PLCB1: variants seen among roughly 807,000 people sequenced by gnomAD.
The protein encoded by PLCB1 is 1-phosphatidylinositol 4,5-bisphosphate phosphodiesterase beta-1.
Under a neutral mutation model 161.8 loss-of-function variants are expected in PLCB1, and 46 were observed. The ratio of observed to expected loss-of-function variants is 0.28; its 90% CI spans 0.22 to 0.36. PLCB1 has a LOEUF of 0.36. Ranked by LOEUF, PLCB1 falls within the 10% of genes least tolerant of loss-of-function variation. PLCB1 has a pLI of 1.00. For missense variants in PLCB1, 1,016 were observed against 1,472.5 expected, an observed-to-expected ratio of 0.69 and a Z score of 5.07; for synonymous variants, 517 against 503.7, an observed-to-expected ratio of 1.03 and a Z score of -0.35.
intron 2 of PLCB1, among the ~76,000 whole-genome samples, chr20:8,367,521 A>G (rs527533885): frequency 5.3e-5 from 8 of 152,330 alleles, no homozygotes; most frequent in Admixed American, 4.6e-4. Flanking sequence ...CATTTAATAG[A>G]TGAAAAAATT....
At chr20:8,136,307 G>T (rs1410523182) in intron 1 of PLCB1, among the ~76,000 whole-genome samples, 1 of 152,066 alleles carries the variant, frequency 6.6e-6, no homozygotes, top group Non-Finnish European at 1.5e-5. Context: ...TGACATACAG[G>T]CAACCTTCAA....
At chr20:8,771,737 C>T (rs1476333242) in intron 26 of PLCB1, among the ~76,000 whole-genome samples, 1 of 152,140 alleles carries the variant, frequency 6.6e-6, no homozygotes, top group Non-Finnish European at 1.5e-5. Flanking sequence ...AGGAGCTTTT[C>T]TTCAAGTGGC....
At chr20:8,768,250 C>CT (rs915302793) in intron 26 of PLCB1, among the ~76,000 whole-genome samples, 13 of 149,564 alleles carry the variant, frequency 8.7e-5, no homozygotes, top group East Asian at 5.8e-4. Flanking sequence ...GGGGAAGAAA[C>CT]TTTTTTTTTT....
At chr20:8,529,805 T>C (rs1984728774) in intron 3 of PLCB1, among the ~76,000 whole-genome samples, 1 of 152,130 alleles carries the variant, frequency 6.6e-6, no homozygotes, top group Admixed American at 6.6e-5. Flanking sequence ...TTTCCAACAA[T>C]GTTGCTATGA....
intron 3 of PLCB1, among the ~76,000 whole-genome samples, chr20:8,438,337 A>T (rs1276667346): frequency 6.6e-6 from 1 of 152,202 alleles, no homozygotes; most frequent in Non-Finnish European, 1.5e-5. Flanking sequence ...TACATAATAT[A>T]CTTTTTATAA....
intron 3 of PLCB1, among the ~76,000 whole-genome samples, chr20:8,377,294 T>C (rs2122370455): frequency 6.6e-6 from 1 of 152,254 alleles, no homozygotes; most frequent in African/African-American, 2.4e-5. Context: ...AGCATTCCTC[T>C]TTGCCGGGGA....
intron 31 of PLCB1, among the ~76,000 whole-genome samples, chr20:8,866,382 C>T (rs996946161): frequency 2.0e-5 from 3 of 152,186 alleles, no homozygotes; most frequent in Non-Finnish European, 4.4e-5. Flanking sequence ...AGGATAGAGG[C>T]CAGTCCCTGA....
At chr20:8,268,034 G>A (rs1027332837) in intron 2 of PLCB1, among the ~76,000 whole-genome samples, 7 of 151,882 alleles carry the variant, frequency 4.6e-5, no homozygotes, top group Admixed American at 4.6e-4. Context: ...TGTTACATAT[G>A]TATACATGTG....
chr20:8,259,053 C>A (rs1024348082), intron 2 of PLCB1, among the ~76,000 whole-genome samples: 4 of 152,132 alleles, frequency 2.6e-5, no homozygotes, highest in Non-Finnish European at 5.9e-5. Context: ...GAGTCTGGCT[C>A]TTTTCATGTA....
At chr20:8,519,953 C>A (rs1270438732) in intron 3 of PLCB1, among the ~76,000 whole-genome samples, 1 of 152,110 alleles carries the variant, frequency 6.6e-6, no homozygotes, top group East Asian at 1.9e-4. Flanking sequence ...ATAAGAAATT[C>A]TGACTCAGGC....
At chr20:8,194,124 C>T (rs2051999226) in intron 2 of PLCB1, among the ~76,000 whole-genome samples, 1 of 152,026 alleles carries the variant, frequency 6.6e-6, no homozygotes, top group South Asian at 2.1e-4. Flanking sequence ...GTGTACATCA[C>T]ACTTATTTTG....
intron 20 of PLCB1, among the ~76,000 whole-genome samples, chr20:8,738,087 A>T (rs1980675887): frequency 2.0e-5 from 3 of 152,252 alleles, no homozygotes. Flanking sequence ...GATGTTTCAC[A>T]CTGAGGAAAG....
intron 2 of PLCB1, among the ~76,000 whole-genome samples, chr20:8,323,802 G>A (rs1032012046): frequency 1.3e-5 from 2 of 151,274 alleles, no homozygotes; most frequent in African/African-American, 4.9e-5. Context: ...TCATCATAGG[G>A]CCTTATTGGT....
At chr20:8,632,046 T>G (rs76530062) in intron 4 of PLCB1, among the ~76,000 whole-genome samples, 30,882 of 102,464 alleles carry the variant, frequency 0.3, 4,081 homozygotes, top group Admixed American at 0.41. Context: ...TTTTTTTTTT[T>G]TTTTTTTTTT....
intron 9 of PLCB1, among the ~76,000 whole-genome samples, chr20:8,659,709 G>A (rs1183928950): frequency 6.6e-6 from 1 of 151,848 alleles, no homozygotes; most frequent in Non-Finnish European, 1.5e-5. Flanking sequence ...AGTATAAATG[G>A]GCCCAGGCAC....
intron 3 of PLCB1, among the ~76,000 whole-genome samples, chr20:8,415,817 C>T (rs1979245813): frequency 6.6e-6 from 1 of 152,134 alleles, no homozygotes; most frequent in South Asian, 2.1e-4. Context: ...ATATCAATGT[C>T]TGCTGGGGAA....
At chr20:8,538,439 T>G (rs1429091339) in intron 3 of PLCB1, among the ~76,000 whole-genome samples, 1 of 151,984 alleles carries the variant, frequency 6.6e-6, no homozygotes, top group East Asian at 1.9e-4. Context: ...CTCAAGCTCC[T>G]GGGCTCAAAT....
intron 31 of PLCB1, among the ~76,000 whole-genome samples, chr20:8,853,876 A>C (rs144913554): frequency 8.5e-5 from 13 of 152,336 alleles, no homozygotes; most frequent in Non-Finnish European, 1.5e-4. Context: ...GTTATTCAAC[A>C]AAGAAGCGCT....
intron 2 of PLCB1, among the ~76,000 whole-genome samples, chr20:8,270,615 G>T (rs916375103): frequency 6.6e-6 from 1 of 152,056 alleles, no homozygotes; most frequent in Non-Finnish European, 1.5e-5. Flanking sequence ...TCAATATACT[G>T]ATTAATCTGA....
Sources: allele counts gnomAD v4.1 joint callset (sites outside exome capture counted in the v4.1 genomes callset), GRCh38; gene constraint gnomAD v4.1.1; transcripts MANE v1.5; gene names NCBI Gene and HGNC (gene_info 2026-07-23, HGNC 2026-07-21).